TRPM6: variants seen among roughly 807,000 people sequenced by gnomAD.
TRPM6 encodes the protein channel kinase 2.
Under a neutral mutation model 247.6 loss-of-function variants are expected in TRPM6, and 111 were observed. That is an observed-to-expected ratio of 0.45 (90% CI 0.38 to 0.52). The LOEUF (loss-of-function observed/expected upper bound fraction) is 0.52. TRPM6 is among the 20% of genes least tolerant of loss of function. The probability of loss-of-function intolerance (pLI) is 0.00; values close to 1 mark genes in which losing one functional copy is unlikely to be tolerated. For synonymous variants in TRPM6, 892 were observed against 853.8 expected (o/e 1.04, Z -0.78); for missense variants, 2,126 against 2,421.5 (o/e 0.88, Z 2.56).
chr9:74,733,282 A>C (rs1051795981), intron 36 of TRPM6, among the ~76,000 whole-genome samples: 2 of 152,188 alleles, frequency 1.3e-5, no homozygotes, highest in Admixed American at 6.5e-5. Context: ...TAAATATAAA[A>C]AATTAAATAT....
rs762988583 is a variant in TRPM6 at position 74,816,705 on chromosome 9, G to C, written c.1272C>G (p.Ala424=). ...LAMAWDRVDI[A]KKHILIYEQH... ...GTTCATAAATTAGGATATGTTTCTT[G>C]GCAATGTCCACCCTGTCCCAAGCCA... The change falls in exon 11 of 39, where the codon GCC becomes GCG. Residue 424 remains alanine, a synonymous_variant. Transcript: ENST00000360774. 6.2e-7 allele frequency: 1 copy of C among 1,613,908 alleles called. No homozygotes were observed. Among genetic ancestry groups the C allele is most frequent in the East Asian group, 2.2e-5 (1 of 44,862 alleles).
chr9:74,881,869 C>A (rs1831375966), intron 1 of TRPM6, among the ~76,000 whole-genome samples: 1 of 152,062 alleles, frequency 6.6e-6, no homozygotes, highest in African/African-American at 2.4e-5. Flanking sequence ...GACCATTGAA[C>A]AAAATAGAGA....
intron 16 of TRPM6, among the ~76,000 whole-genome samples, chr9:74,800,842 A>G (rs1828300854): frequency 1.3e-5 from 2 of 151,186 alleles, no homozygotes; most frequent in Non-Finnish European, 2.9e-5. Flanking sequence ...TTTGGGACTT[A>G]TACATAGGCT....
rs201465026 is a variant in TRPM6, at chr9:74,762,152, C to T, written c.4519G>A (p.Ala1507Thr). The T allele has an allele frequency of 5.0e-5, 81 of 1,614,196 alleles. No individual in the cohort carries two copies. The highest frequency in any genetic ancestry group is 6.9e-5 in the Non-Finnish European group (81 of 1,180,020). The change falls in exon 26 of 39, where the codon GCC becomes ACC. Residue 1507 changes from alanine to threonine, a missense_variant. Ala to Thr is a moderately conservative substitution (Grantham distance 58). Transcript: ENST00000360774. ...SSLSDNSTRS[A>T]QSSECSEVGP... The stretch of plus-strand genomic sequence containing the variant: ...ACCTCTGAGCATTCACTACTCTGGG[C>T]CGATCTTGTTGAGTTATCAGATAGG...
intron 34 of TRPM6, 73 bp from the exon 35 acceptor site, chr9:74,739,522 C>T: frequency 6.5e-7 from 1 of 1,542,656 alleles, no homozygotes; most frequent in Non-Finnish European, 9.0e-7. Flanking sequence ...TTACTATAGG[C>T]TACCCCAATG....
At chr9:74,770,376 T>A (rs1826989893) in intron 25 of TRPM6, among the ~76,000 whole-genome samples, 1 of 152,240 alleles carries the variant, frequency 6.6e-6, no homozygotes, top group African/African-American at 2.4e-5. Flanking sequence ...TCAATTTGCT[T>A]CCATTTACAA....
intron 11 of TRPM6, 91 bp from the exon 12 acceptor site, chr9:74,812,524 A>G: frequency 1.6e-6 from 2 of 1,247,258 alleles, no homozygotes; most frequent in Non-Finnish European, 2.3e-6. Context: ...AATTACACAA[A>G]CACAATAATT....
chr9:74,858,581 C>T (rs1219770865), intron 2 of TRPM6, 88 bp downstream of exon 2: 4 of 814,144 alleles, frequency 4.9e-6, no homozygotes, highest in Non-Finnish European at 7.9e-6. Flanking sequence ...ATGATCAAAA[C>T]TTCTAAACAA....
In TRPM6 at chr9:74,887,494, C is replaced by T. The variant is rs1435026635; in HGVS notation, c.33+330G>A. On this transcript the variant is annotated intron_variant, in intron 1 of 38. Coordinates refer to ENST00000360774, the MANE Select transcript of TRPM6 (RefSeq NM_017662.5). The stretch of plus-strand genomic sequence containing the variant: ...GAGCGGAATCAGAGCTGCCTCCTCT[C>T]CCGGGGTGTTTCCCACCGCCCCGAG... 8 of 1,099,150 alleles carry T rather than the reference C, an allele frequency of 7.3e-6. No individual in the cohort carries two copies. In the African/African-American group the frequency reaches 1.1e-4, roughly 15 times the overall value. 68.1% of individuals were successfully genotyped at this position (1,099,150 alleles called of 1,614,324 possible).
chr9:74,803,542 T>G (rs1262687920), intron 15 of TRPM6, among the ~76,000 whole-genome samples: 1 of 152,184 alleles, frequency 6.6e-6, no homozygotes, highest in Non-Finnish European at 1.5e-5. Flanking sequence ...ATCACCTGAC[T>G]GAGTCACTGT....
At chr9:74,876,962 C>A (rs1021082420) in intron 1 of TRPM6, among the ~76,000 whole-genome samples, 1 of 152,068 alleles carries the variant, frequency 6.6e-6, no homozygotes, top group Non-Finnish European at 1.5e-5. Flanking sequence ...CTCCAAAGAA[C>A]AAATGTCGAA....
chr9:74,863,961 TG>T (rs1379588184), intron 1 of TRPM6, among the ~76,000 whole-genome samples: 4 of 152,086 alleles, frequency 2.6e-5, no homozygotes, highest in African/African-American at 9.7e-5. Context: ...ACAGGTCATT[TG>T]TTTTCTTTCT....
At chr9:74,809,339 G>A (rs1398035451) in intron 13 of TRPM6, among the ~76,000 whole-genome samples, 1 of 152,062 alleles carries the variant, frequency 6.6e-6, no homozygotes, top group Admixed American at 6.6e-5. Context: ...CTTTTAAACT[G>A]CCCATTTATA....
intron 5 of TRPM6, among the ~76,000 whole-genome samples, chr9:74,838,702 T>G (rs1436380982): frequency 6.6e-6 from 1 of 152,088 alleles, no homozygotes; most frequent in African/African-American, 2.4e-5. Flanking sequence ...CAAGAAGCTG[T>G]TTGACGAGTG....
At chr9:74,836,613 T>G (rs1190385791) in intron 5 of TRPM6, among the ~76,000 whole-genome samples, 3 of 152,200 alleles carry the variant, frequency 2.0e-5, no homozygotes, top group African/African-American at 7.2e-5. Flanking sequence ...TGTTTGAGAC[T>G]CTCCGTAAAA....
intron 20 of TRPM6, 25 bp from the exon 21 acceptor site, chr9:74,786,150 T>C (rs753435649): frequency 1.5e-5 from 24 of 1,613,544 alleles, no homozygotes; most frequent in Non-Finnish European, 1.9e-5. Flanking sequence ...AAGGAAACTT[T>C]AAAAAGGAGG....
intron 17 of TRPM6, 35 bp downstream of exon 17, chr9:74,800,219 C>T: frequency 6.3e-7 from 1 of 1,576,422 alleles, no homozygotes; most frequent in South Asian, 1.1e-5. Context: ...ACAAGACTAA[C>T]ATTAAACTCC....
intron 20 of TRPM6, among the ~76,000 whole-genome samples, chr9:74,786,703 G>C (rs546409067): frequency 1.3e-5 from 2 of 152,148 alleles, no homozygotes; most frequent in Non-Finnish European, 1.5e-5. Context: ...TCGCACCACC[G>C]CACTCCAGCC....
intron 25 of TRPM6, among the ~76,000 whole-genome samples, chr9:74,764,171 C>G (rs1377197466): frequency 1.3e-5 from 2 of 151,324 alleles, no homozygotes; most frequent in African/African-American, 4.9e-5. Context: ...GAGATGGCTA[C>G]TATTTGTCTG....
Sources: gnomAD v4.1 joint callset for allele counts (sites outside exome capture counted in the v4.1 genomes callset) on GRCh38, gnomAD v4.1.1 for gene constraint, MANE v1.5 for transcripts, NCBI Gene and HGNC (gene_info 2026-07-23, HGNC 2026-07-21) for gene names.